ZMPSTE24: variants seen among roughly 807,000 people sequenced by gnomAD.
The protein encoded by ZMPSTE24 is CAAX prenyl protease 1 homolog.
ZMPSTE24 carries 48 observed loss-of-function variants against 56.7 expected under a neutral mutation model. The ratio of observed to expected loss-of-function variants is 0.85; its 90% CI spans 0.67 to 1.08. The LOEUF is 1.08. Among genes scored for constraint, ZMPSTE24 ranks in the 50% least tolerant of loss-of-function variants. The probability of loss-of-function intolerance (pLI) is 0.00; values close to 1 mark genes in which losing one functional copy is unlikely to be tolerated. For missense variants in ZMPSTE24, 503 were observed against 548.7 expected (o/e 0.92, Z 0.83); for synonymous variants, 172 against 195.2 (o/e 0.88, Z 0.99).
chr1:40,266,705 A>G (rs1643551899), intron 2 of ZMPSTE24, among the ~76,000 whole-genome samples: 1 of 148,166 alleles, frequency 6.7e-6, no homozygotes. Flanking sequence ...ATGGAGCCAT[A>G]TTAATGTGGT....
intron 6 of ZMPSTE24, among the ~76,000 whole-genome samples, chr1:40,272,241 A>T (rs1356843532): frequency 1.3e-5 from 2 of 152,224 alleles, no homozygotes; most frequent in Admixed American, 1.3e-4. Context: ...TGGTGGCTTG[A>T]TACCAAATCC....
intron 8 of ZMPSTE24, among the ~76,000 whole-genome samples, chr1:40,288,056 T>A (rs1191041042): frequency 6.6e-6 from 1 of 152,112 alleles, no homozygotes; most frequent in Non-Finnish European, 1.5e-5. Context: ...TATGCACCTG[T>A]AGTCCCAGCT....
Position 40,258,358 on chromosome 1 carries a change from A to C in ZMPSTE24, c.87A>C (p.Thr29=), listed in dbSNP as rs977704244. 4 of 1,614,008 alleles carry C rather than the reference A, an allele frequency of 2.5e-6. No homozygotes were observed. The African/African-American group carries it at 4.0e-5, about 16-fold the overall frequency. ...GGGCCGTGCTGCTCTTTTCCTGGAC[A>C]GTGTATCTTTGGGAGACCTTCCTAG... The part of the protein sequence containing the change: ...IFGAVLLFSW[T]VYLWETFLAQ... Residue 29 remains threonine, a synonymous_variant, in exon 1 of 10, where the codon ACA becomes ACC. Coordinates refer to ENST00000372759, the MANE Select transcript of ZMPSTE24 (RefSeq NM_005857.5).
chr1:40,261,510 G>A (rs80160325), intron 2 of ZMPSTE24, among the ~76,000 whole-genome samples: 8,324 of 151,990 alleles, frequency 0.055, 290 homozygotes, highest in South Asian at 0.1. Flanking sequence ...CCACCATACC[G>A]TCTCAGAGTG....
At position 40,267,862 on chromosome 1, in the gene ZMPSTE24, C is replaced by T. The variant is rs753058667; in HGVS notation, c.347C>T (p.Pro116Leu). 1 of 1,612,256 alleles carries T rather than the reference C, an allele frequency of 6.2e-7. No homozygotes were observed. Among genetic ancestry groups the T allele is most frequent in the Non-Finnish European group, 8.5e-7 (1 of 1,178,484 alleles). Reference sequence around the variant, plus strand: ...TTCTGTGGTTATGCTGGCTTTGGACCAGAATATGAGGTATGTGATTCATTA... The same window carrying T: ...TTCTGTGGTTATGCTGGCTTTGGACTAGAATATGAGGTATGTGATTCATTA... ...GRFCGYAGFG[P>L]EYEITQSLVF... Residue 116 changes from proline (P) to leucine (L), a missense_variant, in exon 3 of 10, where the codon CCA becomes CTA. Transcript: ENST00000372759.
intron 6 of ZMPSTE24, among the ~76,000 whole-genome samples, chr1:40,273,255 C>A (rs991206808): frequency 6.6e-6 from 1 of 152,038 alleles, no homozygotes; most frequent in African/African-American, 2.4e-5. Context: ...CTGTGGCTCA[C>A]GCCTGTAATC....
chr1:40,287,788 G>A (rs939073419), intron 8 of ZMPSTE24, among the ~76,000 whole-genome samples: 2 of 152,116 alleles, frequency 1.3e-5, no homozygotes, highest in Non-Finnish European at 2.9e-5. Context: ...ACCAACAGAT[G>A]TTTAGGCTTT....
intron 6 of ZMPSTE24, among the ~76,000 whole-genome samples, chr1:40,277,006 A>G (rs1216607782): frequency 1.3e-5 from 2 of 151,960 alleles, no homozygotes; most frequent in African/African-American, 4.8e-5. Flanking sequence ...GTTGACCGAA[A>G]TGTCATTATG....
At chr1:40,272,353 G>A (rs1203227854) in intron 6 of ZMPSTE24, among the ~76,000 whole-genome samples, 1 of 152,130 alleles carries the variant, frequency 6.6e-6, no homozygotes, top group Non-Finnish European at 1.5e-5. Context: ...ATATTAGACT[G>A]ATTTATTCAC....
chr1:40,283,180 A>C (rs987081687), intron 7 of ZMPSTE24, among the ~76,000 whole-genome samples: 1 of 152,194 alleles, frequency 6.6e-6, no homozygotes, highest in African/African-American at 2.4e-5. Context: ...CCCAGTGATA[A>C]CACTAGAGAA....
chr1:40,281,991 T>C (rs369244155), intron 7 of ZMPSTE24, among the ~76,000 whole-genome samples: 3 of 152,356 alleles, frequency 2.0e-5, no homozygotes, highest in African/African-American at 7.2e-5. Flanking sequence ...TTAGTAGCTT[T>C]GTATCCTTGG....
intron 8 of ZMPSTE24, among the ~76,000 whole-genome samples, chr1:40,287,788 GT>G (rs779498059): frequency 6.6e-6 from 1 of 152,116 alleles, no homozygotes; most frequent in South Asian, 2.1e-4. Flanking sequence ...ACCAACAGAT[GT>G]TTAGGCTTTG....
rs1217737375 is a variant in ZMPSTE24 at position 40,271,983 on chromosome 1, A to T, written c.717A>T (p.Glu239Asp). 1 of 1,613,456 alleles carries T rather than the reference A, an allele frequency of 6.2e-7. No homozygotes were observed. Among genetic ancestry groups the T allele is most frequent in the Non-Finnish European group, 8.5e-7 (1 of 1,179,576 alleles). ...LPEGKLKEEI[E>D]VMAKSIDFPL... ...AGGGAAAGCTTAAAGAAGAAATTGAAGTAATGGCAAAGAGTATTGACTTTC... is the reference window on the plus strand; with the variant it reads ...AGGGAAAGCTTAAAGAAGAAATTGATGTAATGGCAAAGAGTATTGACTTTC... Residue 239 changes from glutamate to aspartate, a missense_variant, in exon 6 of 10, where the codon GAA (glutamate) becomes GAT (aspartate). Physicochemically the swap from Glu to Asp is conservative, Grantham distance 45. Transcript: ENST00000372759.
chr1:40,264,658 T>G (rs1643531811), intron 2 of ZMPSTE24, among the ~76,000 whole-genome samples: 1 of 151,690 alleles, frequency 6.6e-6, no homozygotes, highest in African/African-American at 2.4e-5. Flanking sequence ...GGAGGATCAC[T>G]TGAGCCCAGG....
intron 6 of ZMPSTE24, among the ~76,000 whole-genome samples, chr1:40,272,724 A>G (rs1275812686): frequency 6.6e-6 from 1 of 152,206 alleles, no homozygotes; most frequent in African/African-American, 2.4e-5. Context: ...GTAGAGAGAA[A>G]CTGTTGTAAG....
At chr1:40,292,111 G>A (rs1236118051) in intron 9 of ZMPSTE24, among the ~76,000 whole-genome samples, 1 of 151,982 alleles carries the variant, frequency 6.6e-6, no homozygotes, top group African/African-American at 2.4e-5. Flanking sequence ...AAAAGTGCTG[G>A]GATTACAGGT....
chr1:40,269,950 T>C (rs1319626345), intron 4 of ZMPSTE24, 25 bp from the exon 5 acceptor site: 3 of 1,592,098 alleles, frequency 1.9e-6, no homozygotes, highest in Non-Finnish European at 2.6e-6. Flanking sequence ...TCTCAGTTTC[T>C]TGTGGTAATG....
At position 40,267,813 on chromosome 1, in the gene ZMPSTE24, T is replaced by C; in HGVS notation, c.298T>C (p.Tyr100His). 6.2e-7 allele frequency: 1 copy of C among 1,613,912 alleles called. No homozygotes were observed. Among genetic ancestry groups the C allele is most frequent in the East Asian group, 2.2e-5 (1 of 44,864 alleles). The stretch of plus-strand genomic sequence containing the variant: ...TATTCTTCTCTTTGGAGGAATACCT[T>C]ATCTCTGGAGACTTTCTGGACGGTT... ...TLILLFGGIP[Y>H]LWRLSGRFCG... Residue 100 changes from tyrosine (Y) to histidine (H), a missense_variant, in exon 3 of 10, where the codon TAT (tyrosine) becomes CAT (histidine). Transcript: ENST00000372759.
At chr1:40,267,959 A>C (rs950424995) in intron 3 of ZMPSTE24, 87 bp downstream of exon 3, 6 of 1,206,302 alleles carry the variant, frequency 5.0e-6, no homozygotes, top group Non-Finnish European at 7.4e-6. Flanking sequence ...GGCTTCTGCC[A>C]ATGTTAAGAT....
Sources: gnomAD v4.1 joint callset for allele counts (sites outside exome capture counted in the v4.1 genomes callset) on GRCh38, gnomAD v4.1.1 for gene constraint, MANE v1.5 for transcripts, NCBI Gene and HGNC (gene_info 2026-07-23, HGNC 2026-07-21) for gene names.